Variants in BAHCC1 observed in about 807,000 individuals in gnomAD.
BAHCC1 encodes the protein BAH and coiled-coil domain-containing protein 1.
In BAHCC1, 43 loss-of-function variants were observed where a neutral mutation model predicts 88.2. The observed-to-expected ratio is 0.49, with a 90% CI of 0.38 to 0.63. BAHCC1 has a LOEUF of 0.63. BAHCC1 is among the 20% of genes least tolerant of loss of function. The pLI, the probability that BAHCC1 is intolerant of heterozygous loss-of-function variation, is 0.00. For missense variants in BAHCC1, 3,023 were observed against 1,654.8 expected (o/e 1.83, Z -14.34); for synonymous variants, 1,510 against 745.5 (o/e 2.03, Z -16.71).
intron 4 of BAHCC1, among the ~76,000 whole-genome samples, chr17:81,439,466 A>T (rs2064381762): frequency 6.6e-6 from 1 of 151,274 alleles, no homozygotes; most frequent in Admixed American, 6.6e-5. Context: ...CAGCAGTTGG[A>T]CGGTGGGGTG....
At position 81,452,125 on chromosome 17, in the gene BAHCC1, G is replaced by C. The variant is rs1555656018; in HGVS notation, c.4316+18G>C. 1.7e-6 allele frequency: 1 copy of C among 595,720 alleles called. No homozygotes were observed. The highest frequency in any genetic ancestry group is 2.9e-5 in the East Asian group (1 of 34,096). The allele number at this position is 595,720 out of a possible 1,614,324, so 36.9% of individuals were successfully genotyped here. ...GACCATGAGTACGCCTGGCGTGGCG[G>C]GGGGGCCTGGGAGGGTCGCAGCACC... On this transcript the variant is annotated intron_variant, in intron 13 of 27. Transcript: ENST00000675386.
At chr17:81,460,157 T>A (rs2030120024) in intron 23 of BAHCC1, 120 bp from the exon 24 acceptor site, 9 of 644,066 alleles carry the variant, frequency 1.4e-5, no homozygotes, top group Non-Finnish European at 2.6e-5. Flanking sequence ...GTCTGTGTGG[T>A]CAGGGAGCAG....
At chr17:81,423,697 C>A (rs2064141618) in intron 2 of BAHCC1, among the ~76,000 whole-genome samples, 2 of 152,198 alleles carry the variant, frequency 1.3e-5, no homozygotes, top group Admixed American at 6.5e-5. Context: ...AGCAGCAGGG[C>A]CACCGTGTGC....
Position 81,458,443 on chromosome 17 carries a change from A to ACAGTGCTGCAGC in BAHCC1, c.5330_5341dup (p.Gln1777_Leu1780dup). 1.4e-6 allele frequency: 1 copy of ACAGTGCTGCAGC among 732,254 alleles called. No individual in the cohort carries two copies. The allele number at this position is 732,254 out of a possible 1,614,324, so 45.4% of individuals were successfully genotyped here. A position where few individuals can be genotyped will look rare whatever the true frequency, so the allele number is the denominator to read the frequency against. ...CCTCAAGAGGGCCACGCGCAAGGGC[A>ACAGTGCTGCAGC]CAGTGCTGCAGCCAGTGCTGCGGGT... On this transcript the variant is annotated inframe_insertion, in exon 18 of 28. Coordinates refer to ENST00000675386, the MANE Select transcript of BAHCC1 (RefSeq NM_001377448.1).
chr17:81,433,210 T>C (rs554252287), intron 3 of BAHCC1, among the ~76,000 whole-genome samples: 2 of 152,104 alleles, frequency 1.3e-5, no homozygotes, highest in East Asian at 3.9e-4. Context: ...AATCTCTTGC[T>C]GTGCCGCCCC....
chr17:81,418,851 T>G (rs1555649183), intron 2 of BAHCC1, among the ~76,000 whole-genome samples: 1 of 110,552 alleles, frequency 9.0e-6, no homozygotes. Flanking sequence ...ATCCCAGACA[T>G]GTAGCACAGT....
At chr17:81,426,387 GGTGGTGATAGTCGTGGGTGATGTGGT>G in intron 2 of BAHCC1, among the ~76,000 whole-genome samples, 1 of 145,960 alleles carries the variant, frequency 6.9e-6, no homozygotes. Context: ...TGATGTGGTT[GGTGGTGATAGTCGTGGGTGATGTGGT>G]TGGGGGTGAT....
In BAHCC1 at chr17:81,436,058, G is replaced by C. The variant is rs141448785; in HGVS notation, c.359-2312G>C. ...TGCCCAAAGATGACCCCACCCTGCC[G>C]ACTGGGCCTCTCCGGCACCCAGCCC... On this transcript the variant is annotated intron_variant, in intron 3 of 27. Coordinates refer to ENST00000675386, the MANE Select transcript of BAHCC1 (RefSeq NM_001377448.1). 3.2e-3 allele frequency among the ~76,000 whole-genome samples: 486 copies of C among 151,232 alleles called. 1 individual carries two copies. The highest frequency in any genetic ancestry group is 0.024 in the Middle Eastern group (7 of 294).
intron 2 of BAHCC1, among the ~76,000 whole-genome samples, chr17:81,406,715 C>T (rs970801222): frequency 3.9e-5 from 6 of 152,244 alleles, no homozygotes; most frequent in Admixed American, 6.5e-5. Context: ...GCAGCTGCCG[C>T]GGGAGAATCC....
At chr17:81,421,452 C>G (rs1346103735) in intron 2 of BAHCC1, among the ~76,000 whole-genome samples, 2 of 152,228 alleles carry the variant, frequency 1.3e-5, no homozygotes, top group Admixed American at 6.5e-5. Context: ...ATGCTCTGTC[C>G]TGGGGTTTCC....
In BAHCC1 at chr17:81,457,585, G is replaced by C; in HGVS notation, c.5034G>C (p.Gly1678=). The C allele has an allele frequency of 1.4e-6, 1 of 735,576 alleles. No individual in the cohort carries two copies. Among genetic ancestry groups the C allele is most frequent in the Non-Finnish European group, 2.5e-6 (1 of 395,598 alleles). 45.6% of individuals were successfully genotyped at this position (735,576 alleles called of 1,614,324 possible). ...QKAKKKKERQ[G]LLGACRLSSP... is the part of the protein sequence containing the mutation. Reference sequence around the variant, plus strand: ...CCAAGAAGAAGAAGGAGAGGCAGGGGTTGCTAGGTAACCAGGAGGGAGGAC... The same window carrying C: ...CCAAGAAGAAGAAGGAGAGGCAGGGCTTGCTAGGTAACCAGGAGGGAGGAC... Residue 1678 remains glycine, a synonymous_variant, in exon 17 of 28, where the codon GGG becomes GGC. Coordinates refer to ENST00000675386, the MANE Select transcript of BAHCC1 (RefSeq NM_001377448.1).
chr17:81,445,330 C>G (rs782325824), intron 9 of BAHCC1, 24 bp from the exon 10 acceptor site: 8 of 760,558 alleles, frequency 1.1e-5, no homozygotes, highest in African/African-American at 1.7e-5. Flanking sequence ...TGAGCCTGAC[C>G]GAGCTTGCCC....
Position 81,443,891 on chromosome 17 carries a change from G to A in BAHCC1, c.2298G>A (p.Gly766=). 1.4e-6 allele frequency: 1 copy of A among 713,088 alleles called. No individual in the cohort carries two copies. Among genetic ancestry groups the A allele is most frequent in the Non-Finnish European group, 2.6e-6 (1 of 384,886 alleles). 44.2% of individuals were successfully genotyped at this position (713,088 alleles called of 1,614,324 possible). ...ERTRLCDDRL[G]LASRELLLQD... Reference sequence around the variant, plus strand: ...CGAGGCTATGTGATGACCGCCTGGGGCTTGCCAGCCGCGAGCTGCTGCTGC... The same window carrying A: ...CGAGGCTATGTGATGACCGCCTGGGACTTGCCAGCCGCGAGCTGCTGCTGC... Residue 766 remains glycine, a synonymous_variant, in exon 6 of 28, where the codon GGG becomes GGA. Transcript: ENST00000675386.
intron 1 of BAHCC1, chr17:81,396,990 G>C (rs868941211): frequency 5.3e-5 from 8 of 152,080 alleles, no homozygotes; most frequent in African/African-American, 1.7e-4. Context: ...CCCGGGCCTC[G>C]GCACTCGGCG....
At chr17:81,404,588 A>T (rs969700996) in intron 2 of BAHCC1, among the ~76,000 whole-genome samples, 1 of 152,234 alleles carries the variant, frequency 6.6e-6, no homozygotes, top group African/African-American at 2.4e-5. Flanking sequence ...TCCATCCAGG[A>T]AGGCAGAAAA....
At chr17:81,452,130 G>A in intron 13 of BAHCC1, 23 bp downstream of exon 13, 1 of 577,734 alleles carries the variant, frequency 1.7e-6, no homozygotes. Flanking sequence ...TGGCGGGGGG[G>A]CCTGGGAGGG....
intron 3 of BAHCC1, among the ~76,000 whole-genome samples, chr17:81,431,681 C>T (rs1275937154): frequency 1.3e-5 from 2 of 152,216 alleles, no homozygotes; most frequent in Non-Finnish European, 2.9e-5. Context: ...ATGGCACCTG[C>T]CTCCCCCTGG....
intron 3 of BAHCC1, among the ~76,000 whole-genome samples, chr17:81,428,782 A>AGGGGTC (rs2064228712): frequency 6.6e-6 from 1 of 152,162 alleles, no homozygotes; most frequent in Non-Finnish European, 1.5e-5. Flanking sequence ...GGAGCTGCCC[A>AGGGGTC]CATCCCACCC....
chr17:81,400,152 C>CCCGGAG, intron 2 of BAHCC1, among the ~76,000 whole-genome samples: 1 of 151,974 alleles, frequency 6.6e-6, no homozygotes. Flanking sequence ...GAGGGGCAGC[C>CCCGGAG]CCGGAGCCGG....
Sources: allele counts gnomAD v4.1 joint callset (sites outside exome capture counted in the v4.1 genomes callset), GRCh38; gene constraint gnomAD v4.1.1; transcripts MANE v1.5; gene names NCBI Gene and HGNC (gene_info 2026-07-23, HGNC 2026-07-21).